The following MAST4 variants were observed in gnomAD, a reference collection of about 807,000 sequenced individuals.
The protein encoded by MAST4 is microtubule associated serine/threonine kinase family member 4, also known as microtubule-associated serine/threonine-protein kinase 4.
Under a neutral mutation model 162.7 loss-of-function variants are expected in MAST4, and 89 were observed. The ratio of observed to expected loss-of-function variants is 0.55; its 90% CI spans 0.46 to 0.65. The LOEUF (loss-of-function observed/expected upper bound fraction) is 0.65, where lower values mean the gene tolerates loss of function less well. Ranked by LOEUF, MAST4 falls within the 30% of genes least tolerant of loss-of-function variation. MAST4 has a pLI of 0.00. For synonymous variants in MAST4, 1,479 were observed against 1,361.1 expected, an observed-to-expected ratio of 1.09 and a Z score of -1.91; for missense variants, 3,153 against 3,374.0, an observed-to-expected ratio of 0.93 and a Z score of 1.62.
chr5:66,646,835 C>A (rs1348288155), intron 1 of MAST4, among the ~76,000 whole-genome samples: 1 of 152,146 alleles, frequency 6.6e-6, no homozygotes, highest in Non-Finnish European at 1.5e-5. Context: ...AAGCAAATGT[C>A]AGATTCAAGA....
intron 3 of MAST4, among the ~76,000 whole-genome samples, chr5:66,830,101 C>G (rs1757502739): frequency 6.6e-6 from 1 of 152,032 alleles, no homozygotes; most frequent in African/African-American, 2.4e-5. Context: ...TCTTTGGGGT[C>G]AGTTGTTAAA....
intron 4 of MAST4, among the ~76,000 whole-genome samples, chr5:66,943,691 A>T (rs1352265513): frequency 6.6e-6 from 1 of 152,090 alleles, no homozygotes; most frequent in Non-Finnish European, 1.5e-5. Context: ...TAATTTTATT[A>T]TCTCTTCAGG....
chr5:67,042,609 T>C (rs937187745), intron 4 of MAST4, among the ~76,000 whole-genome samples: 3 of 152,006 alleles, frequency 2.0e-5, no homozygotes, highest in Non-Finnish European at 2.9e-5. Context: ...AAACAAATAG[T>C]AGGGACCAAG....
intron 1 of MAST4, among the ~76,000 whole-genome samples, chr5:66,621,693 A>G (rs1025908645): frequency 5.3e-5 from 8 of 152,188 alleles, no homozygotes; most frequent in African/African-American, 1.9e-4. Flanking sequence ...TACCCAACAA[A>G]TACTAATTGA....
chr5:66,840,793 A>T (rs527876753), intron 3 of MAST4, among the ~76,000 whole-genome samples: 3 of 152,180 alleles, frequency 2.0e-5, no homozygotes, highest in Non-Finnish European at 4.4e-5. Flanking sequence ...GAGCTGACCT[A>T]CGTGAACCTG....
chr5:67,004,468 T>C (rs1751711692), intron 4 of MAST4, among the ~76,000 whole-genome samples: 1 of 152,244 alleles, frequency 6.6e-6, no homozygotes, highest in South Asian at 2.1e-4. Flanking sequence ...TCTATTCAAA[T>C]TCTTTTCCTT....
chr5:66,873,341 G>C (rs1761075950), intron 3 of MAST4, among the ~76,000 whole-genome samples: 1 of 152,184 alleles, frequency 6.6e-6, no homozygotes, highest in Admixed American at 6.5e-5. Flanking sequence ...TGTAGCTAGT[G>C]ACCTTTCTTT....
Position 66,596,528 on chromosome 5 carries a change from G to C in MAST4, c.-128G>C. Reference sequence around the variant, plus strand: ...CGTCACTGCCATGTAGTCGCTGGCGGGGCTCCCTGCAGCCCGGGAGCGGCA... The same window carrying C: ...CGTCACTGCCATGTAGTCGCTGGCGCGGCTCCCTGCAGCCCGGGAGCGGCA... On this transcript the variant is annotated 5_prime_UTR_variant, in exon 1 of 29. Coordinates refer to ENST00000403625, the MANE Select transcript of MAST4 (RefSeq NM_001164664.2). The C allele has an allele frequency of 8.7e-7, 1 of 1,145,566 alleles. No individual in the cohort carries two copies. The highest frequency in any genetic ancestry group is 1.1e-6 in the Non-Finnish European group (1 of 896,816). The allele number at this position is 1,145,566 out of a possible 1,614,324, so 71.0% of individuals were successfully genotyped here.
intron 1 of MAST4, among the ~76,000 whole-genome samples, chr5:66,753,103 C>G (rs531951372): frequency 1.9e-4 from 29 of 151,664 alleles, no homozygotes; most frequent in African/African-American, 7.0e-4. Context: ...TTGAAACCAA[C>G]GAGAACAAAG....
At chr5:66,859,944 T>G (rs1001591652) in intron 3 of MAST4, among the ~76,000 whole-genome samples, 6 of 152,232 alleles carry the variant, frequency 3.9e-5, no homozygotes, top group Admixed American at 3.9e-4. Context: ...AGTAGTTACT[T>G]GGAAGTCCCC....
chr5:66,878,791 G>A (rs1230082650), intron 3 of MAST4, among the ~76,000 whole-genome samples: 3 of 152,242 alleles, frequency 2.0e-5, no homozygotes, highest in Non-Finnish European at 4.4e-5. Context: ...GCTGATGGAA[G>A]AGTGTTCATT....
At chr5:67,158,056 A>G (rs1331230947) in intron 26 of MAST4, among the ~76,000 whole-genome samples, 1 of 152,190 alleles carries the variant, frequency 6.6e-6, no homozygotes, top group Non-Finnish European at 1.5e-5. Flanking sequence ...GACTGAAGGA[A>G]CATCAGTGAC....
At chr5:66,913,443 G>C (rs1763904003) in intron 4 of MAST4, among the ~76,000 whole-genome samples, 1 of 152,212 alleles carries the variant, frequency 6.6e-6, no homozygotes, top group South Asian at 2.1e-4. Flanking sequence ...CCATGTCATA[G>C]CATATGTCAA....
At chr5:66,963,042 G>C (rs1746206261) in intron 4 of MAST4, among the ~76,000 whole-genome samples, 2 of 151,144 alleles carry the variant, frequency 1.3e-5, no homozygotes, top group South Asian at 4.2e-4. Context: ...AATAATCATG[G>C]TGGTTTGGAT....
At chr5:66,907,962 T>A (rs1242752973) in intron 4 of MAST4, among the ~76,000 whole-genome samples, 4 of 152,136 alleles carry the variant, frequency 2.6e-5, no homozygotes, top group Non-Finnish European at 4.4e-5. Flanking sequence ...GAAGCAAAAA[T>A]TCAAAATATC....
rs781345734 is a variant in MAST4 at position 66,978,739 on chromosome 5, AAT to A, written c.675-75661_675-75660del. 3.7e-4 allele frequency among the ~76,000 whole-genome samples: 56 copies of A among 152,326 alleles called. 1 individual carries two copies. Among genetic ancestry groups the A allele is most frequent in the Admixed American group, 1.6e-3 (25 of 15,288 alleles). Reference sequence around the variant, plus strand: ...AGGTAAGCCAGCTTGCCTGAGAGCTAATATAAAGTCAGCATGAGGACAGAAGG... The same window carrying A: ...AGGTAAGCCAGCTTGCCTGAGAGCTAATAAAGTCAGCATGAGGACAGAAGG... On this transcript the variant is annotated intron_variant, in intron 4 of 28. Transcript: ENST00000403625.
At chr5:66,990,812 T>C (rs531456482) in intron 4 of MAST4, among the ~76,000 whole-genome samples, 1 of 152,324 alleles carries the variant, frequency 6.6e-6, no homozygotes, top group South Asian at 2.1e-4. Flanking sequence ...TTCTAGAGTT[T>C]CCTGGAATCT....
At chr5:66,856,172 AAAAG>A (rs1361324462) in intron 3 of MAST4, among the ~76,000 whole-genome samples, 1 of 152,144 alleles carries the variant, frequency 6.6e-6, no homozygotes, top group Non-Finnish European at 1.5e-5. Context: ...AAACCAAAAC[AAAAG>A]AGAGAGAGAT....
intron 5 of MAST4, among the ~76,000 whole-genome samples, chr5:67,089,299 G>A (rs1035055042): frequency 3.9e-5 from 6 of 152,136 alleles, no homozygotes; most frequent in Non-Finnish European, 8.8e-5. Context: ...ACTTGCCCTC[G>A]CCAGCTGCTG....
Sources: gnomAD v4.1 joint callset for allele counts (sites outside exome capture counted in the v4.1 genomes callset) on GRCh38, gnomAD v4.1.1 for gene constraint, MANE v1.5 for transcripts, NCBI Gene and HGNC (gene_info 2026-07-23, HGNC 2026-07-21) for gene names.